MAEA: variants seen among roughly 807,000 people sequenced by gnomAD.
MAEA encodes E3 ubiquitin-protein transferase MAEA.
Under a neutral mutation model 46.2 loss-of-function variants are expected in MAEA, and 22 were observed. That is an observed-to-expected ratio of 0.48 (90% CI 0.34 to 0.68). MAEA has a LOEUF of 0.68. Ranked by LOEUF, MAEA falls within the 30% of genes least tolerant of loss-of-function variation. The pLI is 0.01. For missense variants in MAEA, 393 were observed against 558.1 expected (o/e 0.70, Z 2.98); for synonymous variants, 246 against 222.6 (o/e 1.11, Z -0.94).
At chr4:1,329,970 C>G (rs1348243080) in intron 5 of MAEA, 12 of 985,332 alleles carry the variant, frequency 1.2e-5, no homozygotes, top group Non-Finnish European at 1.4e-5. Context: ...TTGAGGCCAG[C>G]AGCCTAGCCT....
chr4:1,308,450 C>T (rs775392179), intron 1 of MAEA, among the ~76,000 whole-genome samples: 10 of 152,238 alleles, frequency 6.6e-5, no homozygotes, highest in African/African-American at 4.8e-5. Context: ...CTTCAGTTCT[C>T]GTGGCCTACT....
chr4:1,332,987 T>A, intron 6 of MAEA, 122 bp downstream of exon 6: 6 of 619,022 alleles, frequency 9.7e-6, no homozygotes, highest in Non-Finnish European at 1.7e-5. Context: ...CCACACAGCC[T>A]GTCCAGCCTG....
At chr4:1,294,961 C>T (rs1367653424) in intron 1 of MAEA, among the ~76,000 whole-genome samples, 1 of 152,130 alleles carries the variant, frequency 6.6e-6, no homozygotes, top group African/African-American at 2.4e-5. Flanking sequence ...GGCACACAGG[C>T]ACACAGCACC....
At chr4:1,305,720 TGTGTGCGCACGC>T (rs1339756115) in intron 1 of MAEA, among the ~76,000 whole-genome samples, 1 of 151,970 alleles carries the variant, frequency 6.6e-6, no homozygotes, top group Non-Finnish European at 1.5e-5. Context: ...CCCACATGTG[TGTGTGCGCACGC>T]GTGTGTGGGA....
intron 5 of MAEA, chr4:1,330,530 T>TAATGTTTGTATTTTTA (rs1174058773): frequency 1.3e-5 from 2 of 151,462 alleles, no homozygotes; most frequent in African/African-American, 4.9e-5. Flanking sequence ...TTGGCCAGGC[T>TAATGTTTGTATTTTTA]GGTCTCAAAC....
chr4:1,330,328 C>CT (rs1577226687), intron 5 of MAEA: 8 of 159,584 alleles, frequency 5.0e-5, no homozygotes, highest in Non-Finnish European at 6.3e-5. Context: ...CTCTCTCTTT[C>CT]CGTGTGTGTG....
intron 5 of MAEA, chr4:1,329,721 G>A (rs1393286895): frequency 2.1e-5 from 21 of 985,418 alleles, no homozygotes; most frequent in African/African-American, 1.0e-4. Flanking sequence ...GTGGGGCATC[G>A]GCAGGACGTT....
In MAEA at chr4:1,323,148, C is replaced by T. The variant is rs558135745; in HGVS notation, c.579+645C>T. Among the ~76,000 whole-genome samples, 234 of 151,884 alleles carry T rather than the reference C, an allele frequency of 1.5e-3. 1 individual carries two copies. Among genetic ancestry groups the T allele is most frequent in the African/African-American group, 5.3e-3 (219 of 41,404 alleles). ...TTTTAGTAGACATGGGATTTCACCA[C>T]GTTGGCCAGGATGGTCTTGATCTCC... On this transcript the variant is annotated intron_variant, in intron 4 of 8. Coordinates refer to ENST00000303400, the MANE Select transcript of MAEA (RefSeq NM_001017405.3).
At chr4:1,313,209 G>T (rs1234173666) in intron 2 of MAEA, among the ~76,000 whole-genome samples, 1 of 152,268 alleles carries the variant, frequency 6.6e-6, no homozygotes, top group African/African-American at 2.4e-5. Context: ...GCTCCGGGCA[G>T]AGTCAATTCA....
intron 3 of MAEA, among the ~76,000 whole-genome samples, chr4:1,317,927 G>A (rs932843739): frequency 6.6e-6 from 1 of 152,214 alleles, no homozygotes; most frequent in African/African-American, 2.4e-5. Flanking sequence ...CTGCCGTGCT[G>A]CCCACTGGGC....
In MAEA at chr4:1,320,655, G is replaced by A. The variant is rs370714151; in HGVS notation, c.457-1726G>A. 2.5e-4 allele frequency among the ~76,000 whole-genome samples: 37 copies of A among 148,244 alleles called. 2 individuals are homozygous for A. The highest frequency in any genetic ancestry group is 1.7e-3 in the South Asian group (8 of 4,658). ...CAGAAAAGAAATAATCAAAGCAAAC[G>A]TGCAAGAAGACACTATGAAGGGGTT... On this transcript the variant is annotated intron_variant, in intron 3 of 8. Transcript: ENST00000303400.
At chr4:1,310,097 G>A in intron 1 of MAEA, 2 of 896,404 alleles carry the variant, frequency 2.2e-6, no homozygotes, top group East Asian at 1.6e-4. Context: ...CTCTTGTGAG[G>A]CGCCTGCACA....
At chr4:1,323,792 A>G (rs534778424) in intron 4 of MAEA, among the ~76,000 whole-genome samples, 1 of 152,294 alleles carries the variant, frequency 6.6e-6, no homozygotes, top group Admixed American at 6.5e-5. Flanking sequence ...GTGTTGCTGG[A>G]GGGTGTTGGA....
intron 1 of MAEA, among the ~76,000 whole-genome samples, chr4:1,297,584 T>C (rs937514445): frequency 2.0e-5 from 3 of 152,216 alleles, no homozygotes; most frequent in African/African-American, 7.2e-5. Context: ...CTGGTTTCCT[T>C]TGCAGCACTC....
chr4:1,309,421 G>C (rs1388277035), intron 1 of MAEA: 2 of 1,272,734 alleles, frequency 1.6e-6, no homozygotes, highest in African/African-American at 3.0e-5. Flanking sequence ...CCCCGGAAGA[G>C]GAGGCGGTGC....
At chr4:1,333,753 CCACCCCCA>C (rs1712200321) in intron 6 of MAEA, among the ~76,000 whole-genome samples, 1 of 21,154 alleles carries the variant, frequency 4.7e-5, no homozygotes, top group African/African-American at 2.4e-4. Flanking sequence ...CACCCCATGC[CCACCCCCA>C]TGCCCACCTG....
At chr4:1,329,053 A>G in intron 5 of MAEA, 1 of 985,666 alleles carries the variant, frequency 1.0e-6, no homozygotes, top group Non-Finnish European at 1.2e-6. Flanking sequence ...GTCTGCTTCC[A>G]TCCCGAGTCA....
chr4:1,296,962 A>C (rs913163882), intron 1 of MAEA, among the ~76,000 whole-genome samples: 1 of 151,928 alleles, frequency 6.6e-6, no homozygotes, highest in Non-Finnish European at 1.5e-5. Flanking sequence ...GTGTGGCTTC[A>C]CAGACGGTCT....
At chr4:1,323,667 G>A (rs374705138) in intron 4 of MAEA, 31 of 698,096 alleles carry the variant, frequency 4.4e-5, no homozygotes, top group African/African-American at 1.6e-4. Flanking sequence ...CCAGAGAGCC[G>A]GCACACACCT....
Sources: gnomAD v4.1 joint callset for allele counts (sites outside exome capture counted in the v4.1 genomes callset) on GRCh38, gnomAD v4.1.1 for gene constraint, MANE v1.5 for transcripts, NCBI Gene and HGNC (gene_info 2026-07-23, HGNC 2026-07-21) for gene names.